Variants in LRBA observed in about 807,000 individuals in gnomAD.
The protein encoded by LRBA is lipopolysaccharide-responsive and beige-like anchor protein.
A neutral mutation model predicts 330.0 loss-of-function variants in LRBA; 176 were observed. The ratio of observed to expected loss-of-function variants is 0.53; its 90% confidence interval spans 0.47 to 0.60. The LOEUF (loss-of-function observed/expected upper bound fraction) is 0.60. LRBA is among the 20% of genes least tolerant of loss of function. The probability of loss-of-function intolerance (pLI) is 0.00; values close to 1 mark genes in which losing one functional copy is unlikely to be tolerated. For synonymous variants in LRBA, 1,230 were observed against 1,193.0 expected (o/e 1.03, Z -0.64); for missense variants, 3,259 against 3,444.8 (o/e 0.95, Z 1.35).
At chr4:150,422,809 T>G (rs1749007943) in intron 46 of LRBA, 3 of 1,480,158 alleles carry the variant, frequency 2.0e-6, no homozygotes, top group Non-Finnish European at 2.8e-6. Context: ...TGCTGCGGTT[T>G]GCCCTGGAAC....
intron 47 of LRBA, among the ~76,000 whole-genome samples, chr4:150,379,575 C>T (rs1741887399): frequency 6.6e-6 from 1 of 152,056 alleles, no homozygotes; most frequent in African/African-American, 2.4e-5. Flanking sequence ...AAGGGTCACA[C>T]ATCTATGCTA....
chr4:150,686,151 A>T (rs1783609556), intron 36 of LRBA, among the ~76,000 whole-genome samples: 1 of 152,200 alleles, frequency 6.6e-6, no homozygotes, highest in Non-Finnish European at 1.5e-5. Context: ...AGCAGGTTAT[A>T]TTAGATCTAA....
chr4:150,598,027 C>A (rs1326690117), intron 38 of LRBA, among the ~76,000 whole-genome samples: 1 of 152,096 alleles, frequency 6.6e-6, no homozygotes, highest in African/African-American at 2.4e-5. Context: ...AGCTGCCTGA[C>A]TGAGGCCAAA....
chr4:150,617,053 A>G (rs1009350129), intron 37 of LRBA, among the ~76,000 whole-genome samples: 8 of 152,230 alleles, frequency 5.3e-5, no homozygotes, highest in Admixed American at 3.9e-4. Context: ...TAGGGTTTAT[A>G]CTTCAAATAC....
chr4:150,708,102 A>G (rs1304286604), intron 36 of LRBA, among the ~76,000 whole-genome samples: 2 of 151,778 alleles, frequency 1.3e-5, no homozygotes, highest in African/African-American at 4.8e-5. Flanking sequence ...ATCAAGGCAA[A>G]TCTCACAAGT....
chr4:150,411,867 G>A (rs1208503623), intron 47 of LRBA, among the ~76,000 whole-genome samples: 1 of 152,154 alleles, frequency 6.6e-6, no homozygotes, highest in Admixed American at 6.6e-5. Flanking sequence ...CATAAAATCT[G>A]TGGAATTGAA....
chr4:150,507,495 TA>T (rs201787088), intron 40 of LRBA, among the ~76,000 whole-genome samples: 32,525 of 152,078 alleles, frequency 0.21, 4,352 homozygotes, highest in Non-Finnish European at 0.3. Context: ...CCTTATATAA[TA>T]AATGGTGCTG....
intron 22 of LRBA, among the ~76,000 whole-genome samples, chr4:150,864,899 A>G (rs1331671917): frequency 6.6e-6 from 1 of 152,050 alleles, no homozygotes; most frequent in South Asian, 2.1e-4. Flanking sequence ...CAGCCGCCTC[A>G]GCCTGTGATT....
At position 150,282,442 on chromosome 4, in the gene LRBA, G is replaced by A. The variant is rs766025027; in HGVS notation, c.8316+8C>T. The stretch of plus-strand genomic sequence containing the variant: ...TCGTGAATGCTGAAGAGTCCCCAGG[G>A]CACTCACTCTTATGTTATCATCTGT... On this transcript the variant is annotated splice_region_variant and intron_variant, in intron 55 of 56. Transcript: ENST00000651943. 1 of 1,612,208 alleles carries A rather than the reference G, an allele frequency of 6.2e-7. No homozygotes were observed. The highest frequency in any genetic ancestry group is 1.3e-5 in the African/African-American group (1 of 74,978).
In LRBA at chr4:150,321,265, C is replaced by G; in HGVS notation, c.7556G>C (p.Gly2519Ala). 3 of 1,612,296 alleles carry G rather than the reference C, an allele frequency of 1.9e-6. No homozygotes were observed. In the East Asian group the frequency reaches 6.7e-5, roughly 36 times the overall value. Residue 2519 changes from glycine to alanine, a missense_variant, in exon 50 of 57, where the codon GGT (glycine) becomes GCT (alanine). Physicochemically the swap from Gly to Ala is moderately conservative, Grantham distance 60. Transcript: ENST00000651943. This position sits in a 1 kb window ranked among gnomAD's most constrained non-coding sequence, Gnocchi z 4.5. ...VTHVAANTQPGLATPAVITVT... is the reference protein window; with the variant it reads ...VTHVAANTQPALATPAVITVT... ...TGTGATCACAGCGGGAGTTGCCAAA[C>G]CAGGCTGGGTGTTGGCTGCCACGTG...
At chr4:150,434,974 T>TA (rs111261288) in intron 46 of LRBA, among the ~76,000 whole-genome samples, 22,680 of 150,824 alleles carry the variant, frequency 0.15, 1,720 homozygotes, top group Middle Eastern at 0.18. Flanking sequence ...AAAGGGAAAA[T>TA]AAAAAAAACA....
At chr4:150,540,017 A>G (rs1765144714) in intron 40 of LRBA, among the ~76,000 whole-genome samples, 1 of 152,092 alleles carries the variant, frequency 6.6e-6, no homozygotes, top group Non-Finnish European at 1.5e-5. Context: ...ATGTCATTTG[A>G]AGTATACTGA....
chr4:150,973,698 G>A (rs1235235474), intron 2 of LRBA, among the ~76,000 whole-genome samples: 1 of 152,092 alleles, frequency 6.6e-6, no homozygotes, highest in Non-Finnish European at 1.5e-5. Flanking sequence ...TCTGTTTAAA[G>A]AAACCAACTC....
intron 35 of LRBA, among the ~76,000 whole-genome samples, chr4:150,746,892 T>C (rs762233243): frequency 6.6e-6 from 1 of 152,160 alleles, no homozygotes; most frequent in African/African-American, 2.4e-5. Flanking sequence ...TTGATTATGA[T>C]AATAGCCTCC....
chr4:150,555,159 A>G (rs1767129554), intron 40 of LRBA, among the ~76,000 whole-genome samples: 1 of 152,200 alleles, frequency 6.6e-6, no homozygotes, highest in Non-Finnish European at 1.5e-5. Context: ...GGTGACTCCA[A>G]TATCAATTCT....
At chr4:150,361,641 T>C (rs1163882889) in intron 47 of LRBA, among the ~76,000 whole-genome samples, 1 of 152,188 alleles carries the variant, frequency 6.6e-6, no homozygotes, top group Non-Finnish European at 1.5e-5. Context: ...TTTATTCTCC[T>C]CAAGATTCAG....
chr4:150,717,615 G>A (rs776497103), intron 36 of LRBA, among the ~76,000 whole-genome samples: 10 of 149,890 alleles, frequency 6.7e-5, no homozygotes, highest in African/African-American at 1.5e-4. Context: ...AGCCAAAATC[G>A]CACCACTACA....
chr4:150,266,063 G>A (rs1272835398), intron 56 of LRBA, among the ~76,000 whole-genome samples: 1 of 152,134 alleles, frequency 6.6e-6, no homozygotes, highest in Non-Finnish European at 1.5e-5. Flanking sequence ...CAGCTGGTAT[G>A]TGCAGGATGA....
chr4:150,996,302 A>G (rs1742639213), intron 2 of LRBA, among the ~76,000 whole-genome samples: 1 of 152,172 alleles, frequency 6.6e-6, no homozygotes. Flanking sequence ...TATTTTCAAA[A>G]GACACTAACA....
Sources: gnomAD v4.1 joint callset for allele counts (sites outside exome capture counted in the v4.1 genomes callset) on GRCh38, gnomAD v4.1.1 for gene constraint, Gnocchi (gnomAD v3.1) non-coding constraint, MANE v1.5 for transcripts, NCBI Gene and HGNC (gene_info 2026-07-23, HGNC 2026-07-21) for gene names.